Variants in IL12RB2 observed in about 807,000 individuals in gnomAD.
IL12RB2 encodes interleukin-12 receptor subunit beta-2.
In IL12RB2, 82 loss-of-function variants were observed where a neutral mutation model predicts 89.4. The ratio of observed to expected loss-of-function variants is 0.92; its 90% CI spans 0.77 to 1.10. The LOEUF is 1.10. Ranked by LOEUF, IL12RB2 falls within the 50% of genes least tolerant of loss-of-function variation. The pLI is 0.00. For missense variants in IL12RB2, 963 were observed against 1,031.9 expected (o/e 0.93, Z 0.92); for synonymous variants, 368 against 370.1 (o/e 0.99, Z 0.07).
In IL12RB2 at chr1:67,346,248, CGTT is replaced by C. The variant is rs1484531666; in HGVS notation, c.1039-4619_1039-4617del. On this transcript the variant is annotated intron_variant, in intron 9 of 16. Coordinates refer to ENST00000674203, the MANE Select transcript of IL12RB2 (RefSeq NM_001374259.2). ...ATGAAGTTGTGAAGATTAATGAAATCGTTGTGAAAAGTGTTAAGTTATTGTTAT... is the reference window on the plus strand; with the variant it reads ...ATGAAGTTGTGAAGATTAATGAAATCGTGAAAAGTGTTAAGTTATTGTTAT... Among the ~76,000 whole-genome samples the C allele has an allele frequency of 3.3e-5, 5 of 152,094 alleles. No individual in the cohort carries two copies. In the South Asian group the frequency reaches 6.2e-4, roughly 19 times the overall value.
intron 14 of IL12RB2, among the ~76,000 whole-genome samples, chr1:67,381,528 C>G (rs1327640798): frequency 2.6e-5 from 4 of 152,036 alleles, no homozygotes; most frequent in Admixed American, 1.3e-4. Flanking sequence ...CTTTGGGAGG[C>G]CGAGGAGGGC....
Position 67,396,993 on chromosome 1 carries a change from C to G in IL12RB2, c.*904C>G, listed in dbSNP as rs1319058191. ...TAAAAATATTTTTAAAAAAAATTAA[C>G]TGGGCGTGATGGCGGGCGCCTGTAG... On this transcript the variant is annotated 3_prime_UTR_variant, in exon 17 of 17. Transcript: ENST00000674203. 2 of 152,046 alleles carry G rather than the reference C, an allele frequency of 1.3e-5. No homozygotes were observed. Among genetic ancestry groups the G allele is most frequent in the African/African-American group, 2.4e-5 (1 of 41,366 alleles). The allele number at this position is 152,046 out of a possible 1,614,324, so 9.4% of individuals were successfully genotyped here. A position where few individuals can be genotyped will look rare whatever the true frequency, so the allele number is the denominator to read the frequency against.
intron 1 of IL12RB2, among the ~76,000 whole-genome samples, chr1:67,309,077 CAT>C (rs1212965312): frequency 4.0e-5 from 6 of 151,460 alleles, no homozygotes; most frequent in African/African-American, 1.5e-4. Flanking sequence ...CACACATACA[CAT>C]ATATATATAA....
intron 14 of IL12RB2, among the ~76,000 whole-genome samples, chr1:67,383,295 G>T (rs1324709578): frequency 1.3e-5 from 2 of 152,054 alleles, no homozygotes; most frequent in Non-Finnish European, 1.5e-5. Context: ...TTACCTCCCC[G>T]CAAGTCCCTC....
chr1:67,346,313 G>A (rs1434257310), intron 9 of IL12RB2, among the ~76,000 whole-genome samples: 1 of 151,724 alleles, frequency 6.6e-6, no homozygotes, highest in African/African-American at 2.4e-5. Context: ...AGGTGCTAGT[G>A]GGAAAATAGA....
At position 67,307,895 on chromosome 1, in the gene IL12RB2, C is replaced by A. The variant is rs1439028401; in HGVS notation, c.-197C>A. ...GGCAGAGAGCGCGGAGAGCGCGACACGTGCGGCCCAGAGCACCGGGGCCAC... is the reference window on the plus strand; with the variant it reads ...GGCAGAGAGCGCGGAGAGCGCGACAAGTGCGGCCCAGAGCACCGGGGCCAC... On this transcript the variant is annotated 5_prime_UTR_variant, in exon 1 of 17. Coordinates refer to ENST00000674203, the MANE Select transcript of IL12RB2 (RefSeq NM_001374259.2). 6.6e-6 allele frequency: 1 copy of A among 152,002 alleles called. No homozygotes were observed. The highest frequency in any genetic ancestry group is 2.4e-5 in the African/African-American group (1 of 41,424). The allele number at this position is 152,002 out of a possible 1,614,324, so 9.4% of individuals were successfully genotyped here.
intron 2 of IL12RB2, among the ~76,000 whole-genome samples, chr1:67,319,967 C>G (rs1164205019): frequency 6.6e-6 from 1 of 152,146 alleles, no homozygotes; most frequent in African/African-American, 2.4e-5. Context: ...GGACCCTCAC[C>G]AGACCCTGAA....
chr1:67,346,771 T>C (rs903748043), intron 9 of IL12RB2, among the ~76,000 whole-genome samples: 4 of 152,162 alleles, frequency 2.6e-5, no homozygotes, highest in Admixed American at 1.3e-4. Flanking sequence ...CACAAAAACT[T>C]ACAAATTACA....
intron 1 of IL12RB2, among the ~76,000 whole-genome samples, chr1:67,310,144 A>T (rs1654833094): frequency 7.0e-6 from 1 of 143,728 alleles, no homozygotes; most frequent in Non-Finnish European, 1.5e-5. Context: ...AGATCACGCC[A>T]CTGCACTCCA....
intron 2 of IL12RB2, among the ~76,000 whole-genome samples, chr1:67,319,907 C>T (rs996869449): frequency 6.6e-6 from 1 of 152,126 alleles, no homozygotes; most frequent in Non-Finnish European, 1.5e-5. Flanking sequence ...GTCCCTTCCA[C>T]CATGTGAGGT....
At chr1:67,323,704 T>C (rs1656894806) in intron 4 of IL12RB2, among the ~76,000 whole-genome samples, 1 of 152,200 alleles carries the variant, frequency 6.6e-6, no homozygotes, top group South Asian at 2.1e-4. Context: ...GCATGCACCC[T>C]TTCCCAGGGA....
Position 67,328,281 on chromosome 1 carries a change from C to T in IL12RB2, c.561C>T (p.Leu187=). Residue 187 remains leucine (L), a synonymous_variant, in exon 6 of 17, where the codon CTC becomes CTT. Transcript: ENST00000674203. ...ACTATTTGGACTTTGGAATCAACCT[C>T]ACCCCTGAATCACCTGAATCCAATT... is the stretch of plus-strand genomic sequence containing the variant. The part of the protein sequence containing the change: ...YCDYLDFGIN[L]TPESPESNFT... 1.9e-6 allele frequency: 3 copies of T among 1,614,052 alleles called. No homozygotes were observed. The East Asian group carries it at 6.7e-5, about 36-fold the overall frequency.
At chr1:67,338,493 A>T in intron 8 of IL12RB2, 131 bp from the exon 9 acceptor site, 1 of 656,206 alleles carries the variant, frequency 1.5e-6, no homozygotes, top group East Asian at 2.7e-5. Context: ...AAAAGAAAAA[A>T]TACTGGGACA....
At chr1:67,355,388 C>T (rs1189040503) in intron 10 of IL12RB2, among the ~76,000 whole-genome samples, 1 of 146,224 alleles carries the variant, frequency 6.8e-6, no homozygotes, top group African/African-American at 2.5e-5. Flanking sequence ...GTACTCCAGC[C>T]TGGGCAACAG....
chr1:67,328,217 A>G lies in IL12RB2; in HGVS notation c.497A>G (p.Asn166Ser), dbSNP rs768824311. The stretch of plus-strand genomic sequence containing the variant: ...GTTTACAGGCTAAGTGGACCAAAAA[A>G]TTTAACCTGGCAGAAGCAATGTAAA... ...EYTLQLSGPK[N>S]LTWQKQCKDI... The change falls in exon 6 of 17, where the codon AAT (asparagine) becomes AGT (serine). Residue 166 changes from asparagine (N) to serine (S), a missense_variant. Coordinates refer to ENST00000674203, the MANE Select transcript of IL12RB2 (RefSeq NM_001374259.2). 1.2e-6 allele frequency: 2 copies of G among 1,614,112 alleles called. No homozygotes were observed. The highest frequency in any genetic ancestry group is 2.2e-5 in the East Asian group (1 of 44,872).
intron 7 of IL12RB2, among the ~76,000 whole-genome samples, chr1:67,330,266 G>GTTTTCT (rs1553311323): frequency 1.1e-4 from 6 of 55,716 alleles, no homozygotes; most frequent in African/African-American, 2.9e-4. Flanking sequence ...TAATTAAAGG[G>GTTTTCT]TTTTTTTAAA....
intron 10 of IL12RB2, among the ~76,000 whole-genome samples, chr1:67,366,699 A>G (rs1439444174): frequency 6.6e-6 from 1 of 152,204 alleles, no homozygotes; most frequent in Non-Finnish European, 1.5e-5. Flanking sequence ...TTCTATGCAT[A>G]TATATCCAGA....
rs1412007696 is a variant in IL12RB2 at position 67,338,545 on chromosome 1, GA to G, written c.959-77del. ...GTTATCCTCTAATTCTACTCTTCCA[GA>G]ATTGTTTACTGAATGACCAGTTAAC... is the stretch of plus-strand genomic sequence containing the variant. On this transcript the variant is annotated intron_variant, in intron 8 of 16. Transcript: ENST00000674203. 8 of 777,690 alleles carry G rather than the reference GA, an allele frequency of 1.0e-5. No homozygotes were observed. In the African/African-American group the frequency reaches 1.2e-4, roughly 12 times the overall value. The allele number at this position is 777,690 out of a possible 1,614,324, so 48.2% of individuals were successfully genotyped here.
In IL12RB2 at chr1:67,386,872, T is replaced by TTATATATA. The variant is rs1179774666; in HGVS notation, c.1946+241_1946+248dup. Reference sequence around the variant, plus strand: ...AACAATCTCTAACTAGAAATGTATTTTATATATATATATATATATATATAT... The same window carrying TTATATATA: ...AACAATCTCTAACTAGAAATGTATTTTATATATATATATATATATATATATATATATAT... On this transcript the variant is annotated intron_variant, in intron 15 of 16. Coordinates refer to ENST00000674203, the MANE Select transcript of IL12RB2 (RefSeq NM_001374259.2). Among the ~76,000 whole-genome samples, 294 of 48,034 alleles carry TTATATATA rather than the reference T, an allele frequency of 6.1e-3. 2 individuals are homozygous for TTATATATA. The highest frequency in any genetic ancestry group is 7.4e-3 in the Non-Finnish European group (165 of 22,164). 31.5% of individuals were successfully genotyped at this position (48,034 alleles called of 152,430 possible).
Sources: allele counts gnomAD v4.1 joint callset (sites outside exome capture counted in the v4.1 genomes callset), GRCh38; gene constraint gnomAD v4.1.1; transcripts MANE v1.5; gene names NCBI Gene and HGNC (gene_info 2026-07-23, HGNC 2026-07-21).